CCDC68: variants seen among roughly 807,000 people sequenced by gnomAD.
The protein encoded by CCDC68 is coiled-coil domain containing 68.
In CCDC68, 45 loss-of-function variants were observed where a neutral mutation model predicts 47.1. The observed-to-expected ratio is 0.96, with a 90% confidence interval of 0.75 to 1.23. CCDC68 has a LOEUF of 1.23. Among genes scored for constraint, CCDC68 ranks in the 50% most tolerant of loss-of-function variants. CCDC68 has a pLI of 0.00. For missense variants in CCDC68, 353 were observed against 373.6 expected (o/e 0.94, Z 0.45); for synonymous variants, 131 against 129.5 (o/e 1.01, Z -0.08).
chr18:54,955,184 G>A (rs1248199344), intron 1 of CCDC68, among the ~76,000 whole-genome samples: 1 of 152,124 alleles, frequency 6.6e-6, no homozygotes, highest in Admixed American at 6.5e-5. Flanking sequence ...AGCTAGGCAT[G>A]GTGCCACATT....
chr18:54,933,038 A>G (rs1299033484), intron 7 of CCDC68, among the ~76,000 whole-genome samples: 1 of 152,212 alleles, frequency 6.6e-6, no homozygotes, highest in Non-Finnish European at 1.5e-5. Context: ...ACTAACATCT[A>G]GTACACATTT....
chr18:54,939,393 T>C (rs1171446579), intron 4 of CCDC68, among the ~76,000 whole-genome samples: 1 of 152,126 alleles, frequency 6.6e-6, no homozygotes, highest in Non-Finnish European at 1.5e-5. Context: ...TACTGGGTGA[T>C]AGAACTGGTT....
intron 8 of CCDC68, among the ~76,000 whole-genome samples, chr18:54,921,257 GTGACAGA>G (rs1189935821): frequency 1.3e-5 from 2 of 152,120 alleles, no homozygotes; most frequent in African/African-American, 4.8e-5. Context: ...GGCTACCTAG[GTGACAGA>G]TTCAATAGTA....
At chr18:54,929,225 C>A (rs144632353) in intron 7 of CCDC68, among the ~76,000 whole-genome samples, 15 of 152,294 alleles carry the variant, frequency 9.8e-5, no homozygotes, top group African/African-American at 3.6e-4. Context: ...TAGACCCTGG[C>A]TCTCCCACCC....
intron 1 of CCDC68, among the ~76,000 whole-genome samples, chr18:54,946,220 A>G (rs1465023156): frequency 2.6e-5 from 4 of 152,252 alleles, no homozygotes; most frequent in Non-Finnish European, 4.4e-5. Flanking sequence ...ATTCATGTAC[A>G]TATCTTTTAT....
intron 10 of CCDC68, 39 bp downstream of exon 10, chr18:54,917,874 C>T (rs944065214): frequency 8.8e-7 from 1 of 1,141,826 alleles, no homozygotes; most frequent in Non-Finnish European, 1.3e-6. Flanking sequence ...CACACACTCA[C>T]ACCCTCACAA....
chr18:54,938,187 CAAA>C (rs2044381565), intron 4 of CCDC68, 90 bp from the exon 5 acceptor site: 1 of 1,240,650 alleles, frequency 8.1e-7, no homozygotes, highest in African/African-American at 1.5e-5. Context: ...TTACATATAT[CAAA>C]GAAGCTTCAG....
intron 1 of CCDC68, among the ~76,000 whole-genome samples, chr18:54,951,057 C>T (rs1040845300): frequency 1.5e-4 from 23 of 149,404 alleles, no homozygotes; most frequent in Non-Finnish European, 2.5e-4. Context: ...TACAGGCGCC[C>T]GCTACCACGC....
intron 1 of CCDC68, among the ~76,000 whole-genome samples, chr18:54,956,820 G>A (rs1599111709): frequency 6.6e-6 from 1 of 152,018 alleles, no homozygotes; most frequent in Non-Finnish European, 1.5e-5. Context: ...ATCTAAAATT[G>A]GATTGTGCTA....
chr18:54,945,827 G>C (rs4801115), intron 1 of CCDC68, among the ~76,000 whole-genome samples: 57,855 of 151,980 alleles, frequency 0.38, 11,235 homozygotes, highest in East Asian at 0.58. Flanking sequence ...CCGGGATTAA[G>C]ATATTGGTGC....
At position 54,936,961 on chromosome 18, in the gene CCDC68, A is replaced by G; in HGVS notation, c.346-3T>C. On this transcript the variant is annotated splice_polypyrimidine_tract_variant and splice_region_variant and intron_variant, in intron 5 of 11. Coordinates refer to ENST00000591504, the MANE Select transcript of CCDC68 (RefSeq NM_025214.3). ...CCTGCTTCTCTGGAGGCTTGCAGCT[A>G]GAAAAAAGGTCACTATGCATGTTCT... 6.2e-7 allele frequency: 1 copy of G among 1,614,156 alleles called. No homozygotes were observed. The highest frequency in any genetic ancestry group is 8.5e-7 in the Non-Finnish European group (1 of 1,180,006).
At chr18:54,938,349 A>G (rs766929985) in intron 4 of CCDC68, among the ~76,000 whole-genome samples, 8 of 152,268 alleles carry the variant, frequency 5.3e-5, no homozygotes, top group Admixed American at 2.0e-4. Flanking sequence ...CTATAGTTTC[A>G]AATGTACTGA....
chr18:54,925,541 AAGCC>A, intron 8 of CCDC68, among the ~76,000 whole-genome samples: 1 of 152,334 alleles, frequency 6.6e-6, no homozygotes, highest in East Asian at 1.9e-4. Context: ...GTAGCAACGA[AAGCC>A]ATGTTGCAGG....
At chr18:54,916,196 G>T (rs1161705866) in intron 10 of CCDC68, among the ~76,000 whole-genome samples, 1 of 152,040 alleles carries the variant, frequency 6.6e-6, no homozygotes, top group Non-Finnish European at 1.5e-5. Context: ...ATTTTTAGCT[G>T]CACAGAGCTG....
At chr18:54,944,532 G>A (rs2044492535) in intron 2 of CCDC68, among the ~76,000 whole-genome samples, 1 of 152,090 alleles carries the variant, frequency 6.6e-6, no homozygotes, top group South Asian at 2.1e-4. Context: ...AATTTATGAT[G>A]ACTGAAGAAA....
At chr18:54,940,485 C>T (rs1015325110) in intron 4 of CCDC68, among the ~76,000 whole-genome samples, 1 of 152,172 alleles carries the variant, frequency 6.6e-6, no homozygotes, top group Non-Finnish European at 1.5e-5. Flanking sequence ...CTATAGTGGA[C>T]AACACTGATT....
At chr18:54,918,504 A>G (rs1325910053) in intron 9 of CCDC68, among the ~76,000 whole-genome samples, 1 of 152,246 alleles carries the variant, frequency 6.6e-6, no homozygotes, top group African/African-American at 2.4e-5. Flanking sequence ...AAGGATTCTA[A>G]GACCAACTTT....
intron 10 of CCDC68, among the ~76,000 whole-genome samples, chr18:54,914,675 CAG>C (rs2043914964): frequency 6.6e-6 from 1 of 152,110 alleles, no homozygotes; most frequent in Non-Finnish European, 1.5e-5. Context: ...GAGCTACGTA[CAG>C]AGACTCTAAG....
At chr18:54,936,776 C>T in intron 6 of CCDC68, 57 bp downstream of exon 6, 1 of 1,605,492 alleles carries the variant, frequency 6.2e-7, no homozygotes, top group South Asian at 1.1e-5. Flanking sequence ...GAAAGATGAA[C>T]TTCAACAGCT....
Sources: allele counts gnomAD v4.1 joint callset (sites outside exome capture counted in the v4.1 genomes callset), GRCh38; gene constraint gnomAD v4.1.1; transcripts MANE v1.5; gene names NCBI Gene and HGNC (gene_info 2026-07-23, HGNC 2026-07-21).